SERPINB8: variants seen among roughly 807,000 people sequenced by gnomAD.
SERPINB8 encodes the protein serpin B8.
In SERPINB8, 25 loss-of-function variants were observed where a neutral mutation model predicts 35.3. The observed-to-expected ratio is 0.71, with a 90% CI of 0.52 to 0.99. The LOEUF (loss-of-function observed/expected upper bound fraction) is 0.99, where lower values mean the gene tolerates loss of function less well. SERPINB8 is among the 50% of genes least tolerant of loss of function. The probability of loss-of-function intolerance (pLI) is 0.00; values close to 1 mark genes in which losing one functional copy is unlikely to be tolerated. For synonymous variants in SERPINB8, 186 were observed against 160.8 expected, an observed-to-expected ratio of 1.16 and a Z score of -1.19; for missense variants, 484 against 446.5, an observed-to-expected ratio of 1.08 and a Z score of -0.76.
At chr18:64,002,648 G>C (rs1406500390) in intron 1 of SERPINB8, among the ~76,000 whole-genome samples, 1 of 152,162 alleles carries the variant, frequency 6.6e-6, no homozygotes, top group Non-Finnish European at 1.5e-5. Flanking sequence ...CGGGGCCCTC[G>C]CGTGCGGTCA....
rs769726310 is a variant in SERPINB8, at chr18:63,985,105, G to C, written c.580G>C (p.Val194Leu). 6.2e-7 allele frequency: 1 copy of C among 1,614,116 alleles called. No homozygotes were observed. ...ATTTTTCCGTTAGGAAAAAAAGACAGTGCAGATGATGTTTAAGGAAGCTAA... is the reference window on the plus strand; with the variant it reads ...ATTTTTCCGTTAGGAAAAAAAGACACTGCAGATGATGTTTAAGGAAGCTAA... ...LFKTNEEKKTVQMMFKEAKFK... is the reference protein window; with the variant it reads ...LFKTNEEKKTLQMMFKEAKFK... Residue 194 changes from valine to leucine, a missense_variant, in exon 6 of 7, where the codon GTG (valine) becomes CTG (leucine). Physicochemically the swap from Val to Leu is conservative, Grantham distance 32. Coordinates refer to ENST00000397985, the MANE Select transcript of SERPINB8 (RefSeq NM_002640.4).
downstream of SERPINB8, among the ~76,000 whole-genome samples, chr18:63,991,743 T>C (rs1045700240): frequency 6.6e-6 from 1 of 152,190 alleles, no homozygotes; most frequent in Non-Finnish European, 1.5e-5. Flanking sequence ...GTCTGGTTCC[T>C]GATCTTAGGG....
chr18:64,017,642 G>T (rs1256915235), intron 7 of SERPINB8, among the ~76,000 whole-genome samples: 1 of 152,094 alleles, frequency 6.6e-6, no homozygotes, highest in Non-Finnish European at 1.5e-5. Context: ...AGAGATTTGA[G>T]ATAATGGACC....
chr18:63,973,335 GTTGT>G (rs1345829986), intron 1 of SERPINB8, among the ~76,000 whole-genome samples: 47 of 152,172 alleles, frequency 3.1e-4, no homozygotes, highest in African/African-American at 1.0e-3. Flanking sequence ...TTTTGATGGG[GTTGT>G]TTGTTTTTTT....
At chr18:64,001,224 C>T (rs1402101516) in intron 1 of SERPINB8, among the ~76,000 whole-genome samples, 1 of 152,044 alleles carries the variant, frequency 6.6e-6, no homozygotes, top group African/African-American at 2.4e-5. Flanking sequence ...TGTTTTTTAA[C>T]GGAATCAAGA....
At chr18:63,986,299 A>G (rs1442475877) in intron 6 of SERPINB8, 2 of 1,610,780 alleles carry the variant, frequency 1.2e-6, no homozygotes, top group Non-Finnish European at 1.7e-6. Context: ...TAACTCCAGG[A>G]CAGGCAGAGG....
intron 1 of SERPINB8, among the ~76,000 whole-genome samples, chr18:63,996,130 T>A (rs149787042): frequency 5.3e-5 from 8 of 152,262 alleles, no homozygotes; most frequent in Admixed American, 1.3e-4. Flanking sequence ...ATAACTGTAA[T>A]TTTCTTGAGT....
intron 3 of SERPINB8, among the ~76,000 whole-genome samples, chr18:63,981,420 T>A (rs2050669344): frequency 6.6e-6 from 1 of 152,154 alleles, no homozygotes; most frequent in Non-Finnish European, 1.5e-5. Context: ...GTGGAGAGCG[T>A]TTGACAAGGA....
intron 6 of SERPINB8, among the ~76,000 whole-genome samples, chr18:63,986,098 G>A (rs950530348): frequency 6.6e-6 from 1 of 152,118 alleles, no homozygotes; most frequent in Non-Finnish European, 1.5e-5. Flanking sequence ...ATCTGTTGTG[G>A]CCACTTATGA....
chr18:63,976,664 T>C lies in SERPINB8; in HGVS notation c.-10-1635T>C, dbSNP rs2050587036. 2.0e-5 allele frequency among the ~76,000 whole-genome samples: 3 copies of C among 152,232 alleles called. No homozygotes were observed. The South Asian group carries it at 6.2e-4, about 32-fold the overall frequency. ...GCCTAGAGGCAGGAGGAAGCCTGTTTAGTTTGTTTATTTAGTCAAGTTTAG... is the reference window on the plus strand; with the variant it reads ...GCCTAGAGGCAGGAGGAAGCCTGTTCAGTTTGTTTATTTAGTCAAGTTTAG... On this transcript the variant is annotated intron_variant, in intron 1 of 6. Coordinates refer to ENST00000397985, the MANE Select transcript of SERPINB8 (RefSeq NM_002640.4).
Position 63,986,857 on chromosome 18 carries a change from A to G in SERPINB8, c.721-17A>G. On this transcript the variant is annotated splice_polypyrimidine_tract_variant and intron_variant, in intron 6 of 6. Transcript: ENST00000397985. ...ATTGTCATCTAAATTTTAAGGTTTG[A>G]GTCTTTCTTATCCTAGGTGGAAAAA... The G allele has an allele frequency of 6.3e-7, 1 of 1,583,330 alleles. No individual in the cohort carries two copies.
At chr18:63,975,061 A>G (rs1271043115) in intron 1 of SERPINB8, among the ~76,000 whole-genome samples, 1 of 152,076 alleles carries the variant, frequency 6.6e-6, no homozygotes, top group African/African-American at 2.4e-5. Context: ...GTTCATTCAG[A>G]ACTATTGAAA....
At chr18:64,014,948 T>A (rs572086872) in intron 7 of SERPINB8, among the ~76,000 whole-genome samples, 10 of 152,324 alleles carry the variant, frequency 6.6e-5, no homozygotes, top group East Asian at 3.9e-4. Context: ...CACATTTTTT[T>A]AAAATAATAA....
intron 1 of SERPINB8, among the ~76,000 whole-genome samples, chr18:64,003,381 C>T (rs1001378828): frequency 2.0e-5 from 3 of 151,924 alleles, no homozygotes; most frequent in African/African-American, 7.3e-5. Flanking sequence ...GGGGAAGCCG[C>T]TGAGGCAGTG....
rs537930817 is a variant in SERPINB8 at position 63,974,046 on chromosome 18, G to A, written c.-11+3876G>A. Among the ~76,000 whole-genome samples, 261 of 152,268 alleles carry A rather than the reference G, an allele frequency of 1.7e-3. 1 individual carries two copies. Among genetic ancestry groups the A allele is most frequent in the African/African-American group, 6.0e-3 (249 of 41,544 alleles). On this transcript the variant is annotated intron_variant, in intron 1 of 6. Transcript: ENST00000397985. ...AAGAAAGTCATTGGTAGCTTGATGG[G>A]GATGGCATTGAATCTATAAATTACC... is the stretch of plus-strand genomic sequence containing the variant.
intron 1 of SERPINB8, among the ~76,000 whole-genome samples, chr18:64,002,223 C>T (rs2050878936): frequency 6.6e-6 from 1 of 152,150 alleles, no homozygotes; most frequent in South Asian, 2.1e-4. Context: ...CACCGTGGCT[C>T]CAGCGCCAGG....
At chr18:64,002,809 C>G (rs370384066) in intron 1 of SERPINB8, among the ~76,000 whole-genome samples, 215 of 152,292 alleles carry the variant, frequency 1.4e-3, no homozygotes, top group African/African-American at 5.0e-3. Context: ...GGTCCGCCCT[C>G]GGTGCCGACT....
At chr18:63,994,277 A>G (rs758396093), downstream of SERPINB8, among the ~76,000 whole-genome samples, 2 of 152,080 alleles carry the variant, frequency 1.3e-5, no homozygotes, top group Non-Finnish European at 2.9e-5. Context: ...CAGTGGGGCT[A>G]GTTGTCCTAA....
exon 2 of SERPINB8, chr18:64,005,329 A>C (rs1187785471): frequency 6.5e-6 from 1 of 152,758 alleles, no homozygotes; most frequent in African/African-American, 2.4e-5. Flanking sequence ...CAAACGTTGC[A>C]CTAAGCAAAG....
Sources: allele counts gnomAD v4.1 joint callset (sites outside exome capture counted in the v4.1 genomes callset), GRCh38; gene constraint gnomAD v4.1.1; transcripts MANE v1.5; gene names NCBI Gene and HGNC (gene_info 2026-07-23, HGNC 2026-07-21).